LRRC37A2: variants seen among roughly 807,000 people sequenced by gnomAD.
LRRC37A2 encodes leucine rich repeat containing 37 member A2.
In LRRC37A2, 9 loss-of-function variants were observed where a neutral mutation model predicts 68.8. That is an observed-to-expected ratio of 0.13 (90% CI 0.08 to 0.23). The LOEUF is 0.23. Among genes scored for constraint, LRRC37A2 ranks in the 10% least tolerant of loss-of-function variants. The pLI is 1.00. For synonymous variants in LRRC37A2, 63 were observed against 367.6 expected, an observed-to-expected ratio of 0.17 and a Z score of 9.48; for missense variants, 168 against 950.4, an observed-to-expected ratio of 0.18 and a Z score of 10.82.
the LRRC37A2 span, among the ~76,000 whole-genome samples, chr17:46,938,191 G>GT: frequency 6.6e-6 from 1 of 151,858 alleles, no homozygotes; most frequent in East Asian, 1.9e-4. Flanking sequence ...ATTCTCCTGT[G>GT]TTTTTTTCTA....
At chr17:46,832,112 G>A in the LRRC37A2 span, among the ~76,000 whole-genome samples, 147 of 152,356 alleles carry the variant, frequency 9.6e-4, no homozygotes, top group African/African-American at 3.4e-3. Flanking sequence ...GGAAGAGACC[G>A]AGACCCTGAA....
the LRRC37A2 span, chr17:47,033,298 T>C: frequency 2.9e-6 from 2 of 697,312 alleles, no homozygotes; most frequent in Non-Finnish European, 5.2e-6. Context: ...TCTCTAGATT[T>C]TGCCCCTGAA....
chr17:46,949,410 G>C, the LRRC37A2 span: 1 of 152,134 alleles, frequency 6.6e-6, no homozygotes, highest in Admixed American at 6.5e-5. Context: ...AGCCTCGGAA[G>C]TCATAGGGCC....
the LRRC37A2 span, among the ~76,000 whole-genome samples, chr17:46,758,352 G>A: frequency 6.6e-6 from 1 of 152,220 alleles, no homozygotes; most frequent in African/African-American, 2.4e-5. Context: ...GGCCGACCTG[G>A]TCCCTGCATA....
the LRRC37A2 span, among the ~76,000 whole-genome samples, chr17:46,605,124 T>G: frequency 0.32 from 9,543 of 29,822 alleles, 670 homozygotes; most frequent in South Asian, 0.53. Flanking sequence ...AAACATTTTT[T>G]AAAGAAACTA....
chr17:46,858,526 C>T, the LRRC37A2 span, among the ~76,000 whole-genome samples: 72 of 151,978 alleles, frequency 4.7e-4, no homozygotes, highest in Admixed American at 1.8e-3. Flanking sequence ...TTTCGGTCCT[C>T]CAGGCTAGAG....
At chr17:46,542,990 C>T (rs1396477331) in intron 8 of LRRC37A2, among the ~76,000 whole-genome samples, 1 of 149,892 alleles carries the variant, frequency 6.7e-6, no homozygotes, top group African/African-American at 2.5e-5. Flanking sequence ...CTTTCCTCAG[C>T]CTCCTGCAGC....
chr17:46,954,507 A>G, the LRRC37A2 span, among the ~76,000 whole-genome samples: 6 of 152,092 alleles, frequency 3.9e-5, no homozygotes, highest in East Asian at 1.2e-3. Flanking sequence ...TTGGCAATGC[A>G]GGCTCTTTTT....
the LRRC37A2 span, among the ~76,000 whole-genome samples, chr17:46,781,551 C>A: frequency 6.6e-6 from 1 of 152,134 alleles, no homozygotes. Context: ...GGTAAATTCA[C>A]AGGGACAGAA....
the LRRC37A2 span, among the ~76,000 whole-genome samples, chr17:46,499,339 G>T: frequency 2.3e-3 from 315 of 139,562 alleles, 10 homozygotes; most frequent in African/African-American, 8.4e-3. Context: ...AAAAAAAGGT[G>T]GGGGGACAAT....
At chr17:46,871,472 C>T in the LRRC37A2 span, among the ~76,000 whole-genome samples, 1 of 152,110 alleles carries the variant, frequency 6.6e-6, no homozygotes, top group African/African-American at 2.4e-5. Context: ...TTTGTTTCCT[C>T]ATCTGGACAA....
the LRRC37A2 span, among the ~76,000 whole-genome samples, chr17:47,000,076 AAAAATAAAATAAAATAAAATAAAAT>A: frequency 2.7e-4 from 7 of 25,536 alleles, no homozygotes; most frequent in African/African-American, 5.7e-4. Context: ...AAATAAAATA[AAAAATAAAATAAAATAAAATAAAAT>A]AAAATAAAAT....
At chr17:46,974,252 C>A in the LRRC37A2 span, among the ~76,000 whole-genome samples, 1 of 152,342 alleles carries the variant, frequency 6.6e-6, no homozygotes, top group Non-Finnish European at 1.5e-5. Context: ...CAGGGCCAGA[C>A]GCTAGGTCTG....
the LRRC37A2 span, among the ~76,000 whole-genome samples, chr17:46,495,729 G>A: frequency 6.8e-6 from 1 of 146,202 alleles, no homozygotes; most frequent in South Asian, 2.1e-4. Flanking sequence ...TGTGATACAT[G>A]TTTTATTTTC....
chr17:46,773,641 C>T, the LRRC37A2 span: 4 of 519,220 alleles, frequency 7.7e-6, no homozygotes, highest in Non-Finnish European at 1.2e-5. Context: ...CCCAGCCCCT[C>T]CCCCCCCCTC....
At chr17:46,829,671 C>A in the LRRC37A2 span, among the ~76,000 whole-genome samples, 3 of 152,034 alleles carry the variant, frequency 2.0e-5, no homozygotes, top group Non-Finnish European at 4.4e-5. Context: ...GGAAGCCTTG[C>A]CTGGGGACAC....
chr17:46,772,943 C>G, the LRRC37A2 span, among the ~76,000 whole-genome samples: 1 of 152,178 alleles, frequency 6.6e-6, no homozygotes, highest in Non-Finnish European at 1.5e-5. Flanking sequence ...CGTTAAATTC[C>G]TGGACACTGC....
the LRRC37A2 span, among the ~76,000 whole-genome samples, chr17:46,882,292 C>T: frequency 2.0e-5 from 3 of 152,230 alleles, no homozygotes; most frequent in Admixed American, 1.3e-4. Context: ...TCTTTGCTTT[C>T]ATAACAGTGA....
the LRRC37A2 span, chr17:46,931,132 A>G: frequency 1.9e-6 from 3 of 1,609,786 alleles, no homozygotes; most frequent in Middle Eastern, 1.7e-4. Context: ...AGCATAGACC[A>G]GATATTCAGC....
Sources: allele counts gnomAD v4.1 joint callset (sites outside exome capture counted in the v4.1 genomes callset), GRCh38; gene constraint gnomAD v4.1.1; transcripts MANE v1.5; gene names NCBI Gene and HGNC (gene_info 2026-07-23, HGNC 2026-07-21).